Variants in VPS13B observed in about 807,000 individuals in gnomAD.
The protein encoded by VPS13B is vacuolar protein sorting 13 homolog B, also known as intermembrane lipid transfer protein VPS13B.
A neutral mutation model predicts 426.4 loss-of-function variants in VPS13B; 285 were observed. That is an observed-to-expected ratio of 0.67 (90% CI 0.61 to 0.74). The LOEUF is 0.74. VPS13B is among the 30% of genes least tolerant of loss of function. The probability of loss-of-function intolerance (pLI) is 0.00; values close to 1 mark genes in which losing one functional copy is unlikely to be tolerated. For missense variants in VPS13B, 4,537 were observed against 4,782.6 expected (o/e 0.95, Z 1.51); for synonymous variants, 1,676 against 1,676.4 (o/e 1.00, Z 0.01).
At chr8:99,603,811 T>C (rs1034933688) in intron 33 of VPS13B, among the ~76,000 whole-genome samples, 5 of 152,216 alleles carry the variant, frequency 3.3e-5, no homozygotes, top group Non-Finnish European at 7.3e-5. Context: ...TGTTAATAGG[T>C]ATTTGAAACA....
At chr8:99,451,092 T>G (rs1818175106) in intron 23 of VPS13B, among the ~76,000 whole-genome samples, 1 of 152,144 alleles carries the variant, frequency 6.6e-6, no homozygotes, top group Non-Finnish European at 1.5e-5. Context: ...ACCTTCAAAT[T>G]TTTTTAGTAT....
chr8:99,833,297 T>C (rs1299342568), intron 52 of VPS13B, among the ~76,000 whole-genome samples: 1 of 152,228 alleles, frequency 6.6e-6, no homozygotes, highest in Non-Finnish European at 1.5e-5. Flanking sequence ...TTGTCTTGCA[T>C]GTAAAATGTC....
rs992526899 is a variant in VPS13B, at chr8:99,707,483, G to T, written c.6454+7551G>T. Among the ~76,000 whole-genome samples, 9 of 152,014 alleles carry T rather than the reference G, an allele frequency of 5.9e-5. No homozygotes were observed. In the South Asian group the frequency reaches 6.2e-4, roughly 11 times the overall value. ...GTCAGAGCTGAAAAATACCTTAAAG[G>T]TCATCCTTTTTTATCAATAACCTTT... On this transcript the variant is annotated intron_variant, in intron 36 of 61. Coordinates refer to ENST00000357162, the MANE Select transcript of VPS13B (RefSeq NM_152564.5).
intron 2 of VPS13B, among the ~76,000 whole-genome samples, chr8:99,024,678 G>A (rs1300197332): frequency 1.3e-5 from 2 of 152,194 alleles, no homozygotes; most frequent in Non-Finnish European, 2.9e-5. Flanking sequence ...TCTTATGCAA[G>A]TACCATGCTG....
At chr8:99,498,739 C>CTGA (rs1821066469) in intron 25 of VPS13B, among the ~76,000 whole-genome samples, 2 of 152,052 alleles carry the variant, frequency 1.3e-5, no homozygotes, top group South Asian at 4.1e-4. Flanking sequence ...TCCTGTGTTT[C>CTGA]AGTCTGAGTC....
At chr8:99,771,450 A>G (rs759255408) in intron 40 of VPS13B, among the ~76,000 whole-genome samples, 1 of 152,194 alleles carries the variant, frequency 6.6e-6, no homozygotes, top group African/African-American at 2.4e-5. Flanking sequence ...TTTTTAATAT[A>G]TCTATATATT....
intron 16 of VPS13B, among the ~76,000 whole-genome samples, chr8:99,172,829 G>T (rs183840659): frequency 1.4e-3 from 219 of 152,166 alleles, no homozygotes; most frequent in Non-Finnish European, 1.0e-3. Flanking sequence ...TCTTTATGAC[G>T]TACTTTTGGT....
In VPS13B at chr8:99,875,710, T is replaced by G. The variant is rs1361509455; in HGVS notation, c.*44T>G. ...ATTCCTGCTTGTGTGATTTAGTTTT[T>G]GGGTTTCTTTGAGACAGGGTCTCAC... On this transcript the variant is annotated 3_prime_UTR_variant, in exon 62 of 62. Transcript: ENST00000357162. 3 of 1,613,498 alleles carry G rather than the reference T, an allele frequency of 1.9e-6. No homozygotes were observed. Among genetic ancestry groups the G allele is most frequent in the African/African-American group, 2.7e-5 (2 of 74,928 alleles).
At chr8:99,620,049 A>G (rs1330051353) in intron 33 of VPS13B, among the ~76,000 whole-genome samples, 1 of 152,102 alleles carries the variant, frequency 6.6e-6, no homozygotes, top group Admixed American at 6.6e-5. Context: ...GGCCTGTGCT[A>G]TCCCCAAATA....
intron 21 of VPS13B, among the ~76,000 whole-genome samples, chr8:99,426,101 C>T (rs1285061415): frequency 7.0e-6 from 1 of 142,340 alleles, no homozygotes; most frequent in Non-Finnish European, 1.5e-5. Context: ...TGTGATATTC[C>T]CCTTCCTGTG....
At chr8:99,015,352 G>A (rs1841557715) in intron 2 of VPS13B, among the ~76,000 whole-genome samples, 1 of 151,356 alleles carries the variant, frequency 6.6e-6, no homozygotes, top group Non-Finnish European at 1.5e-5. Context: ...GAGTAGTTGG[G>A]ATTACAGGCG....
chr8:99,284,132 T>G lies in VPS13B; in HGVS notation c.2824+8878T>G, dbSNP rs182947757. ...TAGCTAGGATACTAACTAAGGGAAT[T>G]TATAGATATTTAAATACAGGTGTAT... On this transcript the variant is annotated intron_variant, in intron 19 of 61. Coordinates refer to ENST00000357162, the MANE Select transcript of VPS13B (RefSeq NM_152564.5). 1.2e-4 allele frequency among the ~76,000 whole-genome samples: 19 copies of G among 152,304 alleles called. No individual in the cohort carries two copies. In the East Asian group the frequency reaches 3.7e-3, roughly 29 times the overall value.
intron 39 of VPS13B, among the ~76,000 whole-genome samples, chr8:99,728,635 G>C (rs1833455216): frequency 6.6e-6 from 1 of 152,202 alleles, no homozygotes. Flanking sequence ...TGCTGGCTCT[G>C]TGTGTGATTG....
intron 33 of VPS13B, among the ~76,000 whole-genome samples, chr8:99,637,493 T>C (rs1489876071): frequency 1.3e-5 from 2 of 152,094 alleles, no homozygotes; most frequent in African/African-American, 4.8e-5. Context: ...TCAAATTCCA[T>C]TCTGCTCAGT....
chr8:99,390,838 A>G (rs769266363), intron 20 of VPS13B, among the ~76,000 whole-genome samples: 35 of 152,204 alleles, frequency 2.3e-4, no homozygotes, highest in Non-Finnish European at 4.3e-4. Flanking sequence ...ACAAAATTGT[A>G]TTGGGCATCA....
At chr8:99,181,936 T>C (rs117010775) in intron 16 of VPS13B, among the ~76,000 whole-genome samples, 4,910 of 152,032 alleles carry the variant, frequency 0.032, 120 homozygotes, top group Non-Finnish European at 0.048. Context: ...ATCCTACAGT[T>C]GAATAAGAAA....
chr8:99,053,502 A>G (rs544509257), intron 3 of VPS13B, among the ~76,000 whole-genome samples: 10 of 152,220 alleles, frequency 6.6e-5, no homozygotes, highest in African/African-American at 2.2e-4. Flanking sequence ...ATGGAATACT[A>G]TGCAGCCATC....
chr8:99,353,375 T>A (rs952901402), intron 19 of VPS13B, among the ~76,000 whole-genome samples: 1 of 152,190 alleles, frequency 6.6e-6, no homozygotes, highest in Non-Finnish European at 1.5e-5. Context: ...TGAGGAAAAT[T>A]GCATGACTGA....
chr8:99,731,438 C>T (rs1380697085), intron 39 of VPS13B, among the ~76,000 whole-genome samples: 1 of 152,152 alleles, frequency 6.6e-6, no homozygotes, highest in Admixed American at 6.6e-5. Flanking sequence ...GGATTCAAAT[C>T]TCAGTTTGTC....
Sources: allele counts gnomAD v4.1 joint callset (sites outside exome capture counted in the v4.1 genomes callset), GRCh38; gene constraint gnomAD v4.1.1; transcripts MANE v1.5; gene names NCBI Gene and HGNC (gene_info 2026-07-23, HGNC 2026-07-21).